TARS3: variants seen among roughly 807,000 people sequenced by gnomAD.
The protein encoded by TARS3 is threonine--tRNA ligase 2, cytoplasmic.
In TARS3, 94 loss-of-function variants were observed where a neutral mutation model predicts 103.5. That is an observed-to-expected ratio of 0.91 (90% CI 0.77 to 1.08). The LOEUF (loss-of-function observed/expected upper bound fraction) is 1.08, where lower values mean the gene tolerates loss of function less well. TARS3 is among the 50% of genes least tolerant of loss of function. TARS3 has a pLI of 0.00. For missense variants in TARS3, 952 were observed against 995.2 expected (o/e 0.96, Z 0.58); for synonymous variants, 416 against 355.4 (o/e 1.17, Z -1.92).
chr15:101,674,662 C>T (rs1049921106), intron 13 of TARS3, among the ~76,000 whole-genome samples: 22 of 151,798 alleles, frequency 1.4e-4, no homozygotes, highest in African/African-American at 5.3e-4. Context: ...AAAAATTGGC[C>T]GGGTGTGGTG....
chr15:101,674,824 G>C (rs1897957558), intron 13 of TARS3, among the ~76,000 whole-genome samples: 1 of 151,556 alleles, frequency 6.6e-6, no homozygotes, highest in South Asian at 2.1e-4. Context: ...AAGAAAAAAA[G>C]AAAAAAAGAA....
At chr15:101,715,390 C>T (rs372224159) in intron 3 of TARS3, among the ~76,000 whole-genome samples, 1 of 152,210 alleles carries the variant, frequency 6.6e-6, no homozygotes, top group South Asian at 2.1e-4. Flanking sequence ...TCGTGATCCG[C>T]CCGCCTCGGC....
At chr15:101,655,050 G>C (rs11630758) in intron 18 of TARS3, among the ~76,000 whole-genome samples, 2,829 of 109,636 alleles carry the variant, frequency 0.026, 31 homozygotes, top group Non-Finnish European at 0.032. Context: ...CAGGCTCACA[G>C]TGACCCCACC....
rs1897984639 is a variant in TARS3, at chr15:101,675,529, T to C, written c.1788+71A>G. On this transcript the variant is annotated intron_variant, in intron 13 of 18. Transcript: ENST00000335968. ...TATTACAAATTATTGCATCCTCCTG[T>C]GAAGACTGCAGCCTCTCAGGTGTCT... The C allele has an allele frequency of 1.8e-5, 26 of 1,446,676 alleles. No individual in the cohort carries two copies. In the South Asian group the frequency reaches 3.3e-4, roughly 18 times the overall value. 89.6% of individuals were successfully genotyped at this position (1,446,676 alleles called of 1,614,324 possible).
Position 101,653,776 on chromosome 15 carries a change from A to G in TARS3, c.*806T>C, listed in dbSNP as rs146360592. ...CTGAATTCTCTATTGACATAATGCC[A>G]TTTTAATTCAGTTCTGAGCACGTAG... On this transcript the variant is annotated 3_prime_UTR_variant, in exon 19 of 19. Transcript: ENST00000335968. 9.8e-5 allele frequency: 15 copies of G among 152,356 alleles called. No homozygotes were observed. Among genetic ancestry groups the G allele is most frequent in the African/African-American group, 3.6e-4 (15 of 41,586 alleles). The allele number at this position is 152,356 out of a possible 1,614,324, so 9.4% of individuals were successfully genotyped here.
At position 101,671,693 on chromosome 15, in the gene TARS3, T is replaced by C. The variant is rs763814068; in HGVS notation, c.1844A>G (p.Asp615Gly). ...FGEPWKMNPG[D>G]GAFYGPKIDI... ...CACTTTAGGGCCATAAAATGCTCCA[T>C]CTCCTGGGTTCATTTTCCACGGTTC... The change falls in exon 14 of 19, where the codon GAT becomes GGT. Residue 615 changes from aspartate to glycine, a missense_variant. This residue lies in a region of TARS3 where 540 missense variants were observed against 631.0 expected (regional missense o/e 0.86). Transcript: ENST00000335968. 1.2e-6 allele frequency: 2 copies of C among 1,614,008 alleles called. No homozygotes were observed. The highest frequency in any genetic ancestry group is 1.7e-6 in the Non-Finnish European group (2 of 1,180,008).
At chr15:101,722,962 T>C (rs1438454624) in intron 2 of TARS3, 131 bp downstream of exon 2, 2 of 852,616 alleles carry the variant, frequency 2.3e-6, no homozygotes, top group Admixed American at 5.3e-5. Context: ...TTGAAAAGTT[T>C]TAAATACACT....
At chr15:101,679,301 C>G (rs1167086375) in intron 12 of TARS3, among the ~76,000 whole-genome samples, 2 of 152,194 alleles carry the variant, frequency 1.3e-5, no homozygotes, top group South Asian at 2.1e-4. Flanking sequence ...CCACTGTTCT[C>G]AGGCTCTGTT....
chr15:101,715,043 G>GTTTT, intron 3 of TARS3, 80 bp from the exon 4 acceptor site: 1 of 1,098,102 alleles, frequency 9.1e-7, no homozygotes, highest in Non-Finnish European at 1.2e-6. Flanking sequence ...AATTTCTAGG[G>GTTTT]TTTTTTTTTT....
intron 6 of TARS3, among the ~76,000 whole-genome samples, chr15:101,706,271 A>G (rs1279049164): frequency 1.3e-5 from 2 of 152,178 alleles, no homozygotes; most frequent in Admixed American, 6.5e-5. Flanking sequence ...TACAGGTGTG[A>G]GCCACCACAC....
At chr15:101,697,393 G>T (rs1001334495) in intron 10 of TARS3, among the ~76,000 whole-genome samples, 1 of 152,158 alleles carries the variant, frequency 6.6e-6, no homozygotes, top group Non-Finnish European at 1.5e-5. Context: ...AAAACAGAAA[G>T]GGTACCCAAA....
chr15:101,710,396 G>C (rs1032813956), intron 5 of TARS3, among the ~76,000 whole-genome samples: 1 of 152,202 alleles, frequency 6.6e-6, no homozygotes, highest in Non-Finnish European at 1.5e-5. Flanking sequence ...GGGAACTCCC[G>C]ATTTGTAGCC....
intron 16 of TARS3, 149 bp from the exon 17 acceptor site, chr15:101,658,006 T>C: frequency 1.9e-6 from 1 of 524,210 alleles, no homozygotes; most frequent in East Asian, 3.3e-5. Context: ...TATATTAAAG[T>C]TTGAAGGCAG....
chr15:101,664,350 TTCTC>T (rs1232532130), intron 15 of TARS3: 1 of 152,188 alleles, frequency 6.6e-6, no homozygotes, highest in East Asian at 1.9e-4. Flanking sequence ...AGGTTTGACT[TTCTC>T]TCTAATAGTT....
At chr15:101,656,166 T>G (rs1897191597) in intron 18 of TARS3, 2 of 800,062 alleles carry the variant, frequency 2.5e-6, no homozygotes, top group Admixed American at 4.9e-5. Flanking sequence ...ATTCTACCTT[T>G]CATGTCATGG....
intron 10 of TARS3, among the ~76,000 whole-genome samples, chr15:101,691,294 T>G (rs59984647): frequency 1.2e-5 from 1 of 84,398 alleles, no homozygotes; most frequent in Non-Finnish European, 2.6e-5. Context: ...ATATATATAT[T>G]TTTGAAACAG....
chr15:101,722,218 T>G (rs921414110), intron 2 of TARS3, among the ~76,000 whole-genome samples: 3 of 55,266 alleles, frequency 5.4e-5, no homozygotes, highest in African/African-American at 1.4e-4. Flanking sequence ...GGCATCTCCC[T>G]TTTTTTTTTT....
intron 3 of TARS3, among the ~76,000 whole-genome samples, chr15:101,719,018 T>C (rs939160053): frequency 6.6e-6 from 1 of 152,116 alleles, no homozygotes; most frequent in East Asian, 1.9e-4. Flanking sequence ...GTGAGGGTAA[T>C]GGACAACTCC....
intron 9 of TARS3, among the ~76,000 whole-genome samples, chr15:101,701,874 C>G (rs558804939): frequency 7.2e-5 from 11 of 152,292 alleles, no homozygotes; most frequent in African/African-American, 2.6e-4. Flanking sequence ...CTGCCGGGCC[C>G]AAGTGATTCT....
Sources: allele counts gnomAD v4.1 joint callset (sites outside exome capture counted in the v4.1 genomes callset), GRCh38; gene constraint gnomAD v4.1.1; regional missense constraint gnomAD v4.1.1; transcripts MANE v1.5; gene names NCBI Gene and HGNC (gene_info 2026-07-23, HGNC 2026-07-21).